The following VEPH1 variants were observed in gnomAD, a reference collection of about 807,000 sequenced individuals.
VEPH1 encodes ventricular zone expressed PH domain containing 1, also known as ventricular zone-expressed PH domain-containing protein homolog 1.
Under a neutral mutation model 85.2 loss-of-function variants are expected in VEPH1, and 80 were observed. That is an observed-to-expected ratio of 0.94 (90% CI 0.78 to 1.13). VEPH1 has a LOEUF of 1.13. Ranked by LOEUF, VEPH1 falls within the 50% of genes most tolerant of loss-of-function variation. The pLI, the probability that VEPH1 is intolerant of heterozygous loss-of-function variation, is 0.00. For synonymous variants in VEPH1, 297 were observed against 348.0 expected (o/e 0.85, Z 1.63); for missense variants, 955 against 980.5 (o/e 0.97, Z 0.35).
chr3:157,340,152 C>G (rs564798183), intron 9 of VEPH1, among the ~76,000 whole-genome samples: 2 of 152,142 alleles, frequency 1.3e-5, no homozygotes, highest in Non-Finnish European at 2.9e-5. Context: ...GTTCATCTCA[C>G]TGGGGCTTGT....
intron 12 of VEPH1, chr3:157,285,075 A>G (rs1379264911): frequency 2.0e-5 from 3 of 152,222 alleles, no homozygotes; most frequent in Non-Finnish European, 1.5e-5. Context: ...GGCCTCTCAG[A>G]GATACCTAAG....
chr3:157,345,329 A>T (rs1206084376), intron 9 of VEPH1, among the ~76,000 whole-genome samples: 9 of 152,224 alleles, frequency 5.9e-5, no homozygotes, highest in African/African-American at 2.2e-4. Context: ...ACAAATTTAC[A>T]AGAAAAAAAC....
chr3:157,407,577 T>C (rs999716716), intron 6 of VEPH1, among the ~76,000 whole-genome samples: 8 of 152,174 alleles, frequency 5.3e-5, no homozygotes, highest in Admixed American at 5.2e-4. Context: ...CATGTGGTTG[T>C]CTACGGTGCC....
chr3:157,448,564 G>A (rs1265951722), intron 4 of VEPH1, among the ~76,000 whole-genome samples: 1 of 152,128 alleles, frequency 6.6e-6, no homozygotes, highest in African/African-American at 2.4e-5. Flanking sequence ...AATATTTTCA[G>A]CTTCTTGAGT....
At chr3:157,365,531 G>A (rs1726572492) in intron 7 of VEPH1, among the ~76,000 whole-genome samples, 1 of 151,958 alleles carries the variant, frequency 6.6e-6, no homozygotes. Context: ...CCTGGAATTA[G>A]CCCCAGACTC....
chr3:157,481,548 C>T (rs1051829321), intron 2 of VEPH1, among the ~76,000 whole-genome samples: 7 of 147,008 alleles, frequency 4.8e-5, no homozygotes, highest in South Asian at 2.2e-4. Flanking sequence ...AACTATGTTA[C>T]AAGTCTATAG....
intron 9 of VEPH1, among the ~76,000 whole-genome samples, chr3:157,356,116 C>T (rs897179964): frequency 2.6e-5 from 4 of 151,992 alleles, no homozygotes; most frequent in East Asian, 1.9e-4. Flanking sequence ...CCAGGCTGGC[C>T]GTGAACTCCT....
intron 9 of VEPH1, among the ~76,000 whole-genome samples, chr3:157,324,010 T>A (rs7632804): frequency 6.6e-6 from 1 of 152,168 alleles, no homozygotes; most frequent in African/African-American, 2.4e-5. Flanking sequence ...TTACATAATT[T>A]AAAAATATAC....
chr3:157,357,171 G>A (rs1725537220), intron 9 of VEPH1, among the ~76,000 whole-genome samples: 1 of 152,060 alleles, frequency 6.6e-6, no homozygotes, highest in African/African-American at 2.4e-5. Flanking sequence ...ATACTCCTGT[G>A]CATTTTCGCT....
intron 9 of VEPH1, among the ~76,000 whole-genome samples, chr3:157,360,232 C>A (rs780163993): frequency 7.2e-5 from 11 of 152,186 alleles, no homozygotes; most frequent in Non-Finnish European, 1.5e-4. Flanking sequence ...GTGTCCCCTG[C>A]AATCAGCCTG....
intron 12 of VEPH1, among the ~76,000 whole-genome samples, chr3:157,274,405 G>A (rs1312933261): frequency 6.6e-6 from 1 of 152,162 alleles, no homozygotes; most frequent in Non-Finnish European, 1.5e-5. Flanking sequence ...AGGGACTCCT[G>A]CAGTCTTTGA....
intron 6 of VEPH1, among the ~76,000 whole-genome samples, chr3:157,398,638 A>G (rs1284092904): frequency 1.2e-4 from 3 of 25,878 alleles, no homozygotes; most frequent in Non-Finnish European, 1.7e-4. Flanking sequence ...GTCTCAAAGA[A>G]AAAAAAAAAA....
intron 11 of VEPH1, 108 bp downstream of exon 11, chr3:157,313,513 A>G: frequency 3.9e-6 from 5 of 1,284,600 alleles, no homozygotes; most frequent in South Asian, 1.5e-5. Flanking sequence ...ATAATAAAAG[A>G]AAGGTAAACG....
intron 4 of VEPH1, among the ~76,000 whole-genome samples, chr3:157,438,067 A>G (rs536595182): frequency 2.1e-4 from 32 of 150,806 alleles, no homozygotes; most frequent in Non-Finnish European, 4.1e-4. Flanking sequence ...ACACACACAC[A>G]CACACCCCTA....
intron 4 of VEPH1, 40 bp downstream of exon 4, chr3:157,460,141 C>A: frequency 6.2e-7 from 1 of 1,614,154 alleles, no homozygotes; most frequent in African/African-American, 1.3e-5. Flanking sequence ...TTTTAAATAT[C>A]TCCCAAAACA....
At chr3:157,359,987 C>G (rs1725866472) in intron 9 of VEPH1, among the ~76,000 whole-genome samples, 1 of 152,142 alleles carries the variant, frequency 6.6e-6, no homozygotes, top group Admixed American at 6.6e-5. Context: ...TATGCTTCTT[C>G]TCTTTGCTTC....
chr3:157,365,876 T>C (rs1407987592), intron 7 of VEPH1, among the ~76,000 whole-genome samples: 2 of 152,198 alleles, frequency 1.3e-5, no homozygotes, highest in Non-Finnish European at 2.9e-5. Context: ...GGGGTTATTA[T>C]GACGGTTTCA....
At chr3:157,446,546 A>G (rs1160829387) in intron 4 of VEPH1, among the ~76,000 whole-genome samples, 1 of 152,202 alleles carries the variant, frequency 6.6e-6, no homozygotes, top group Non-Finnish European at 1.5e-5. Context: ...TCACTTTAAC[A>G]AAGAATTAGA....
chr3:157,271,400 A>G (rs2108284122), intron 12 of VEPH1, among the ~76,000 whole-genome samples: 1 of 152,252 alleles, frequency 6.6e-6, no homozygotes, highest in East Asian at 1.9e-4. Context: ...TAATAGAGTT[A>G]CTAGATTATT....
Sources: gnomAD v4.1 joint callset for allele counts (sites outside exome capture counted in the v4.1 genomes callset) on GRCh38, gnomAD v4.1.1 for gene constraint, MANE v1.5 for transcripts, NCBI Gene and HGNC (gene_info 2026-07-23, HGNC 2026-07-21) for gene names.